Variants in MALRD1 observed in about 807,000 individuals in gnomAD.
MALRD1 encodes the protein MAM and LDL receptor class A domain containing 1, also known as MAM and LDL-receptor class A domain-containing protein 1.
In MALRD1, 247 loss-of-function variants were observed where a neutral mutation model predicts 242.1. That is an observed-to-expected ratio of 1.02 (90% CI 0.92 to 1.13). The LOEUF (loss-of-function observed/expected upper bound fraction) is 1.13, where lower values mean the gene tolerates loss of function less well. Ranked by LOEUF, MALRD1 falls within the 50% of genes most tolerant of loss-of-function variation. The pLI is 0.00. For synonymous variants in MALRD1, 995 were observed against 866.6 expected, an observed-to-expected ratio of 1.15 and a Z score of -2.60; for missense variants, 2,989 against 2,533.1, an observed-to-expected ratio of 1.18 and a Z score of -3.86.
chr10:19,166,117 A>C (rs1391627776), intron 13 of MALRD1, among the ~76,000 whole-genome samples: 1 of 152,218 alleles, frequency 6.6e-6, no homozygotes, highest in African/African-American at 2.4e-5. Context: ...GCAAAAATGG[A>C]GATAAGAAAT....
chr10:19,220,658 G>A (rs960298920), intron 18 of MALRD1, among the ~76,000 whole-genome samples: 8 of 152,060 alleles, frequency 5.3e-5, no homozygotes, highest in Non-Finnish European at 8.8e-5. Flanking sequence ...CAGTGTTAAC[G>A]AATCGATGGC....
chr10:19,719,223 C>CATATATATGTAT (rs1834603116), intron 38 of MALRD1, among the ~76,000 whole-genome samples: 1 of 76,444 alleles, frequency 1.3e-5, no homozygotes, highest in African/African-American at 5.8e-5. Flanking sequence ...CACATACATA[C>CATATATATGTAT]ATATATATAT....
At position 19,348,509 on chromosome 10, in the gene MALRD1, A is replaced by C. The variant is rs750298575; in HGVS notation, c.4149+491A>C. 2.0e-5 allele frequency among the ~76,000 whole-genome samples: 3 copies of C among 152,172 alleles called. No homozygotes were observed. In the East Asian group the frequency reaches 5.8e-4, roughly 29 times the overall value. ...ACAAAACAAAAAGGACCCTGAACTTATTCCTAAAAGAAGTAGAATAATTTC... is the reference window on the plus strand; with the variant it reads ...ACAAAACAAAAAGGACCCTGAACTTCTTCCTAAAAGAAGTAGAATAATTTC... On this transcript the variant is annotated intron_variant, in intron 25 of 39. Coordinates refer to ENST00000454679, the MANE Select transcript of MALRD1 (RefSeq NM_001142308.3).
At position 19,530,415 on chromosome 10, in the gene MALRD1, A is replaced by AAATAT. The variant is rs1564417387; in HGVS notation, c.5321-778_5321-777insATATA. ...TTATATAAATATTATATATTTATAT[A>AAATAT]ATAATAAATATATAATATATATAAT... On this transcript the variant is annotated intron_variant, in intron 31 of 39. Transcript: ENST00000454679. Among the ~76,000 whole-genome samples the AAATAT allele has an allele frequency of 2.6e-4, 5 of 19,342 alleles. 1 individual carries two copies. In the East Asian group the frequency reaches 5.3e-3, roughly 20 times the overall value. The allele number at this position is 19,342 out of a possible 152,430, so 12.7% of individuals were successfully genotyped here.
intron 33 of MALRD1, among the ~76,000 whole-genome samples, chr10:19,577,820 T>C (rs1414065957): frequency 6.6e-6 from 1 of 152,018 alleles, no homozygotes; most frequent in Non-Finnish European, 1.5e-5. Context: ...GAAACAATAA[T>C]CAATTCCTAA....
intron 21 of MALRD1, among the ~76,000 whole-genome samples, chr10:19,314,665 T>C (rs1842563627): frequency 6.6e-6 from 1 of 151,622 alleles, no homozygotes; most frequent in Non-Finnish European, 1.5e-5. Context: ...ATGCCTGTTT[T>C]TGTAAATATG....
At chr10:19,124,791 C>T (rs1837194101) in intron 7 of MALRD1, 121 bp downstream of exon 7, 2 of 830,382 alleles carry the variant, frequency 2.4e-6, no homozygotes, top group African/African-American at 1.8e-5. Context: ...ATTGAAAATA[C>T]ATTCTGCCAA....
intron 34 of MALRD1, among the ~76,000 whole-genome samples, chr10:19,604,282 G>A (rs1014424700): frequency 1.3e-4 from 20 of 152,164 alleles, no homozygotes; most frequent in African/African-American, 4.8e-4. Context: ...ACTCAGAGGA[G>A]CAGGGTTAGA....
intron 14 of MALRD1, among the ~76,000 whole-genome samples, chr10:19,179,025 C>T (rs1835382841): frequency 6.6e-6 from 1 of 152,164 alleles, no homozygotes; most frequent in South Asian, 2.1e-4. Context: ...ATGAAAACGT[C>T]CTGCTAACTT....
chr10:19,719,195 C>T (rs57218836), intron 38 of MALRD1, among the ~76,000 whole-genome samples: 1,069 of 18,734 alleles, frequency 0.057, 48 homozygotes, highest in African/African-American at 0.19. Flanking sequence ...TATATACATA[C>T]ATATATATAT....
At chr10:19,574,668 T>C (rs1044729812) in intron 33 of MALRD1, among the ~76,000 whole-genome samples, 16 of 152,174 alleles carry the variant, frequency 1.1e-4, no homozygotes, top group Non-Finnish European at 2.2e-4. Context: ...TCATTTAAAC[T>C]CTCTAGACCA....
At chr10:19,283,671 G>C (rs550959434) in intron 21 of MALRD1, among the ~76,000 whole-genome samples, 10 of 152,084 alleles carry the variant, frequency 6.6e-5, no homozygotes, top group African/African-American at 2.4e-4. Context: ...TTTCAACATA[G>C]GTGAAAAGAT....
chr10:19,457,507 T>A (rs1835720787), intron 29 of MALRD1, among the ~76,000 whole-genome samples: 1 of 152,036 alleles, frequency 6.6e-6, no homozygotes, highest in Non-Finnish European at 1.5e-5. Flanking sequence ...GCACCACAGC[T>A]GATGATCTGG....
rs1005066265 is a variant in MALRD1 at position 19,338,242 on chromosome 10, C to T, written c.3901+6660C>T. Among the ~76,000 whole-genome samples, 4 of 152,056 alleles carry T rather than the reference C, an allele frequency of 2.6e-5. No homozygotes were observed. The East Asian group carries it at 7.7e-4, about 29-fold the overall frequency. On this transcript the variant is annotated intron_variant, in intron 24 of 39. Coordinates refer to ENST00000454679, the MANE Select transcript of MALRD1 (RefSeq NM_001142308.3). ...GGTGCTGTATGTTCTGTGGGTTTAA[C>T]AAATGTATAATAACATGTATCGACT...
intron 26 of MALRD1, among the ~76,000 whole-genome samples, chr10:19,375,238 T>C (rs1845546710): frequency 6.6e-6 from 1 of 152,202 alleles, no homozygotes; most frequent in Non-Finnish European, 1.5e-5. Context: ...GTACAATAGG[T>C]AATTTTAATA....
chr10:19,341,347 A>G (rs1203037477), intron 24 of MALRD1, among the ~76,000 whole-genome samples: 1 of 151,586 alleles, frequency 6.6e-6, no homozygotes, highest in Non-Finnish European at 1.5e-5. Flanking sequence ...TGAACAATAC[A>G]TACACATGTC....
At chr10:19,567,214 A>G (rs1269961975) in intron 32 of MALRD1, among the ~76,000 whole-genome samples, 2 of 152,262 alleles carry the variant, frequency 1.3e-5, no homozygotes, top group East Asian at 1.9e-4. Context: ...TTGTGTTTAT[A>G]TCTCCTCCAG....
chr10:19,302,084 G>A (rs933638879), intron 21 of MALRD1, among the ~76,000 whole-genome samples: 15 of 151,834 alleles, frequency 9.9e-5, no homozygotes, highest in African/African-American at 3.1e-4. Flanking sequence ...CCACTAGGAT[G>A]GCAATAAGAA....
chr10:19,535,243 A>G (rs572134552), intron 32 of MALRD1, among the ~76,000 whole-genome samples: 1 of 152,274 alleles, frequency 6.6e-6, no homozygotes, highest in East Asian at 1.9e-4. Context: ...GTGAGCATCA[A>G]ATAGTAGGAA....
Sources: gnomAD v4.1 joint callset for allele counts (sites outside exome capture counted in the v4.1 genomes callset) on GRCh38, gnomAD v4.1.1 for gene constraint, MANE v1.5 for transcripts, NCBI Gene and HGNC (gene_info 2026-07-23, HGNC 2026-07-21) for gene names.